INPP4B: variants seen among roughly 807,000 people sequenced by gnomAD.
INPP4B encodes inositol polyphosphate-4-phosphatase type II B, also known as inositol polyphosphate 4-phosphatase type II.
In INPP4B, 55 loss-of-function variants were observed where a neutral mutation model predicts 122.5. The ratio of observed to expected loss-of-function variants is 0.45; its 90% CI spans 0.36 to 0.56. INPP4B has a LOEUF of 0.56. Among genes scored for constraint, INPP4B ranks in the 20% least tolerant of loss-of-function variants. The pLI is 0.00. For missense variants in INPP4B, 1,000 were observed against 1,097.7 expected, an observed-to-expected ratio of 0.91 and a Z score of 1.26; for synonymous variants, 403 against 388.7, an observed-to-expected ratio of 1.04 and a Z score of -0.43.
At chr4:142,333,881 A>G (rs1775612200) in intron 7 of INPP4B, among the ~76,000 whole-genome samples, 1 of 152,118 alleles carries the variant, frequency 6.6e-6, no homozygotes, top group South Asian at 2.1e-4. Context: ...GTGCGATGAG[A>G]GCATTCAAGA....
intron 1 of INPP4B, among the ~76,000 whole-genome samples, chr4:142,840,668 A>G (rs1312763914): frequency 1.3e-5 from 2 of 152,148 alleles, no homozygotes; most frequent in Non-Finnish European, 2.9e-5. Context: ...AGTTTTAAAA[A>G]ATGAATATAT....
intron 2 of INPP4B, among the ~76,000 whole-genome samples, chr4:142,535,445 T>A (rs569860841): frequency 1.0e-3 from 152 of 152,340 alleles, no homozygotes; most frequent in African/African-American, 3.4e-3. Context: ...CTTGGGAGGA[T>A]CTGCACATAA....
At chr4:142,235,540 G>A (rs1856338672) in intron 12 of INPP4B, among the ~76,000 whole-genome samples, 1 of 152,062 alleles carries the variant, frequency 6.6e-6, no homozygotes, top group East Asian at 1.9e-4. Flanking sequence ...TTCCGCCTCA[G>A]CCTCCCGAGT....
At chr4:142,508,256 A>G (rs1824263999) in intron 2 of INPP4B, among the ~76,000 whole-genome samples, 1 of 152,100 alleles carries the variant, frequency 6.6e-6, no homozygotes, top group African/African-American at 2.4e-5. Flanking sequence ...TCCACTAGCT[A>G]GTCCAGTGTT....
intron 2 of INPP4B, among the ~76,000 whole-genome samples, chr4:142,640,177 G>C (rs555890667): frequency 7.9e-5 from 12 of 151,926 alleles, no homozygotes; most frequent in Non-Finnish European, 5.9e-5. Flanking sequence ...AGCACTAACA[G>C]ATATTCCAAT....
At chr4:142,754,008 C>T (rs1770125637) in intron 1 of INPP4B, among the ~76,000 whole-genome samples, 2 of 152,136 alleles carry the variant, frequency 1.3e-5, no homozygotes, top group East Asian at 1.9e-4. Flanking sequence ...GCCTAGAAGG[C>T]ATTACCTTCG....
intron 7 of INPP4B, among the ~76,000 whole-genome samples, chr4:142,368,690 G>C (rs926243393): frequency 1.3e-5 from 2 of 148,884 alleles, no homozygotes; most frequent in Non-Finnish European, 3.0e-5. Flanking sequence ...GAGAGAAAAT[G>C]ATGACCTAAA....
intron 15 of INPP4B, among the ~76,000 whole-genome samples, chr4:142,178,837 A>C (rs1829512761): frequency 6.6e-6 from 1 of 150,772 alleles, no homozygotes; most frequent in Non-Finnish European, 1.5e-5. Context: ...TACTTGTAAA[A>C]AAAAAAAAAA....
At chr4:142,765,111 A>G (rs1046925197) in intron 1 of INPP4B, among the ~76,000 whole-genome samples, 1 of 152,092 alleles carries the variant, frequency 6.6e-6, no homozygotes, top group Admixed American at 6.6e-5. Flanking sequence ...TGCTGCACAG[A>G]CCTCAGTCCA....
At chr4:142,262,596 A>C (rs572116908) in intron 10 of INPP4B, among the ~76,000 whole-genome samples, 1 of 152,130 alleles carries the variant, frequency 6.6e-6, no homozygotes, top group African/African-American at 2.4e-5. Context: ...ATAATATATT[A>C]CCTGTTATTT....
At chr4:142,692,930 G>GATAGATAGATAAATAGATAGATAC (rs1322306964) in intron 2 of INPP4B, among the ~76,000 whole-genome samples, 1 of 150,264 alleles carries the variant, frequency 6.7e-6, no homozygotes. Flanking sequence ...TAGATAGATA[G>GATAGATAGATAAATAGATAGATAC]ATAGATACAT....
intron 2 of INPP4B, among the ~76,000 whole-genome samples, chr4:142,526,569 G>A (rs573192524): frequency 8.7e-4 from 133 of 152,114 alleles, no homozygotes; most frequent in Non-Finnish European, 1.7e-3. Flanking sequence ...AATCGACCAT[G>A]GCATGCTCTG....
intron 15 of INPP4B, among the ~76,000 whole-genome samples, chr4:142,178,516 T>A (rs13139397): frequency 0.099 from 15,034 of 152,222 alleles, 970 homozygotes; most frequent in South Asian, 0.22. Flanking sequence ...TGGGACTTAC[T>A]CTGTTACTTA....
At chr4:142,809,856 T>C (rs995029299) in intron 1 of INPP4B, among the ~76,000 whole-genome samples, 3 of 152,014 alleles carry the variant, frequency 2.0e-5, no homozygotes, top group African/African-American at 7.2e-5. Context: ...CCACGGGATA[T>C]TACATGGCCT....
chr4:142,829,313 G>T (rs989497854), intron 1 of INPP4B, among the ~76,000 whole-genome samples: 2 of 152,000 alleles, frequency 1.3e-5, no homozygotes, highest in Non-Finnish European at 2.9e-5. Context: ...GACTTCTGAC[G>T]GACTTTAGCC....
At chr4:142,037,027 G>T (rs540517713) in intron 25 of INPP4B, among the ~76,000 whole-genome samples, 2 of 152,254 alleles carry the variant, frequency 1.3e-5, no homozygotes, top group South Asian at 4.1e-4. Context: ...TTAATCAGTA[G>T]CTTGCAAGGT....
At chr4:142,442,462 A>C (rs1443490096) in intron 3 of INPP4B, among the ~76,000 whole-genome samples, 3 of 151,992 alleles carry the variant, frequency 2.0e-5, no homozygotes, top group Admixed American at 1.3e-4. Flanking sequence ...AAGATGAATA[A>C]ATCTGACTAC....
chr4:142,187,188 C>A (rs1488368297), intron 15 of INPP4B, among the ~76,000 whole-genome samples: 1 of 151,850 alleles, frequency 6.6e-6, no homozygotes, highest in Non-Finnish European at 1.5e-5. Flanking sequence ...TGAACACAGT[C>A]CAAAAGAAAA....
rs1177865350 is a variant in INPP4B, at chr4:142,208,480, A to G, written c.1017T>C (p.Phe339=). 1 of 1,602,734 alleles carries G rather than the reference A, an allele frequency of 6.2e-7. No individual in the cohort carries two copies. The highest frequency in any genetic ancestry group is 1.7e-5 in the Admixed American group (1 of 58,564). The change falls in exon 14 of 26, where the codon TTT becomes TTC. Residue 339 remains phenylalanine, a synonymous_variant. Transcript: ENST00000262992. The part of the protein sequence containing the change: ...SSSKGEKTLE[F]VPINLHLQRM... ...TTTGCAGATGTAGATTTATTGGAAC[A>G]AATTCTAATGTTTTCTCTCCTTTGC...
Sources: gnomAD v4.1 joint callset for allele counts (sites outside exome capture counted in the v4.1 genomes callset) on GRCh38, gnomAD v4.1.1 for gene constraint, MANE v1.5 for transcripts, NCBI Gene and HGNC (gene_info 2026-07-23, HGNC 2026-07-21) for gene names.